ANKRD44: variants seen among roughly 807,000 people sequenced by gnomAD.
ANKRD44 encodes serine/threonine-protein phosphatase 6 regulatory ankyrin repeat subunit B.
In ANKRD44, 35 loss-of-function variants were observed where a neutral mutation model predicts 116.0. The observed-to-expected ratio is 0.30, with a 90% confidence interval of 0.23 to 0.40. The LOEUF (loss-of-function observed/expected upper bound fraction) is 0.40. ANKRD44 is among the 10% of genes least tolerant of loss of function. The pLI is 1.00. For missense variants in ANKRD44, 1,014 were observed against 1,242.6 expected (o/e 0.82, Z 2.77); for synonymous variants, 435 against 461.8 (o/e 0.94, Z 0.74).
intron 16 of ANKRD44, among the ~76,000 whole-genome samples, chr2:197,063,201 G>A (rs2125062174): frequency 6.6e-6 from 1 of 152,326 alleles, no homozygotes; most frequent in South Asian, 2.1e-4. Context: ...AGGGGCTGGA[G>A]TGGACCTCCA....
At chr2:196,974,995 G>C (rs1183856614) in intron 21 of ANKRD44, among the ~76,000 whole-genome samples, 1 of 151,622 alleles carries the variant, frequency 6.6e-6, no homozygotes, top group South Asian at 2.1e-4. Context: ...ATGAAATAGA[G>C]AACAGAAAAA....
At chr2:197,138,893 G>T (rs530202605) in intron 3 of ANKRD44, among the ~76,000 whole-genome samples, 2 of 152,138 alleles carry the variant, frequency 1.3e-5, no homozygotes, top group African/African-American at 4.8e-5. Flanking sequence ...AAAAATGAAT[G>T]CAAGTAGAAA....
chr2:197,287,121 T>A (rs1271212769), intron 1 of ANKRD44, among the ~76,000 whole-genome samples: 2 of 152,192 alleles, frequency 1.3e-5, no homozygotes, highest in African/African-American at 4.8e-5. Flanking sequence ...TGCAGGTTCA[T>A]CGATGGTAAC....
At chr2:197,156,069 GGGCGTGGTGGC>G (rs2079802532) in intron 2 of ANKRD44, among the ~76,000 whole-genome samples, 1 of 152,134 alleles carries the variant, frequency 6.6e-6, no homozygotes, top group African/African-American at 2.4e-5. Flanking sequence ...TCACCGGGCC[GGGCGTGGTGGC>G]TCACACCTGT....
intron 1 of ANKRD44, among the ~76,000 whole-genome samples, chr2:197,237,638 T>C (rs577517200): frequency 6.6e-6 from 1 of 152,200 alleles, no homozygotes; most frequent in Admixed American, 6.5e-5. Flanking sequence ...TGTAAATCAC[T>C]ACAAAAGAGA....
chr2:197,241,036 A>T (rs1224228476), intron 1 of ANKRD44, among the ~76,000 whole-genome samples: 1 of 152,006 alleles, frequency 6.6e-6, no homozygotes, highest in African/African-American at 2.4e-5. Context: ...AGCCCACAGT[A>T]ATCATGCATT....
chr2:197,271,371 A>G (rs948834256), intron 1 of ANKRD44, among the ~76,000 whole-genome samples: 2 of 152,196 alleles, frequency 1.3e-5, no homozygotes, highest in African/African-American at 4.8e-5. Context: ...ACCATCTACA[A>G]TGCAGAGAGT....
chr2:197,119,936 G>C (rs1398087481), intron 8 of ANKRD44, among the ~76,000 whole-genome samples: 2 of 152,146 alleles, frequency 1.3e-5, no homozygotes, highest in African/African-American at 4.8e-5. Context: ...TTACCTAGAG[G>C]TTTTCCTATC....
At chr2:197,128,233 T>A (rs112898008) in intron 4 of ANKRD44, among the ~76,000 whole-genome samples, 6,294 of 152,334 alleles carry the variant, frequency 0.041, 157 homozygotes, top group Middle Eastern at 0.078. Context: ...TCTTCCACAA[T>A]GGTTGAACTA....
chr2:197,112,785 C>T (rs2078619904), intron 8 of ANKRD44, among the ~76,000 whole-genome samples: 1 of 151,334 alleles, frequency 6.6e-6, no homozygotes, highest in Admixed American at 6.6e-5. Context: ...TACCTTAACC[C>T]TGAACTACAG....
At chr2:197,066,280 G>A (rs1032609643) in intron 16 of ANKRD44, among the ~76,000 whole-genome samples, 12 of 152,058 alleles carry the variant, frequency 7.9e-5, no homozygotes, top group African/African-American at 2.9e-4. Flanking sequence ...GGTATTGATG[G>A]GACATATCTC....
In ANKRD44 at chr2:197,125,477, TAACC is replaced by T. The variant is rs1167452755; in HGVS notation, c.463-13_463-10del. The T allele has an allele frequency of 7.4e-6, 12 of 1,611,638 alleles. No homozygotes were observed. Among genetic ancestry groups the T allele is most frequent in the Non-Finnish European group, 9.3e-6 (11 of 1,178,352 alleles). ...AAGAGTAAATTGACCATCTGAAAGATAACCAACAATGAAATCAAGCATACATTCT... is the reference window on the plus strand; with the variant it reads ...AAGAGTAAATTGACCATCTGAAAGATAACAATGAAATCAAGCATACATTCT... On this transcript the variant is annotated splice_polypyrimidine_tract_variant and intron_variant, in intron 5 of 27. Coordinates refer to ENST00000282272, the MANE Select transcript of ANKRD44 (RefSeq NM_001195144.2).
chr2:197,225,531 AAAGG>A (rs1438439767), intron 1 of ANKRD44, among the ~76,000 whole-genome samples: 1 of 152,158 alleles, frequency 6.6e-6, no homozygotes, highest in Non-Finnish European at 1.5e-5. Flanking sequence ...TTTAGTAGAG[AAAGG>A]GTTTCACCAT....
chr2:197,049,554 A>T, intron 16 of ANKRD44, among the ~76,000 whole-genome samples: 1 of 152,080 alleles, frequency 6.6e-6, no homozygotes, highest in East Asian at 1.9e-4. Context: ...TCATTACTCA[A>T]CTTTCACATT....
intron 1 of ANKRD44, among the ~76,000 whole-genome samples, chr2:197,297,040 A>C (rs1438980746): frequency 6.6e-6 from 1 of 152,224 alleles, no homozygotes; most frequent in African/African-American, 2.4e-5. Context: ...GTGAAGAGGA[A>C]GTGGCATTCT....
chr2:197,240,749 A>G (rs978359597), intron 1 of ANKRD44, among the ~76,000 whole-genome samples: 4 of 144,306 alleles, frequency 2.8e-5, no homozygotes, highest in African/African-American at 1.0e-4. Flanking sequence ...GTCATCTCAG[A>G]AAGCCAGATC....
At chr2:197,255,613 A>C (rs1353244555) in intron 1 of ANKRD44, among the ~76,000 whole-genome samples, 1 of 152,256 alleles carries the variant, frequency 6.6e-6, no homozygotes, top group Non-Finnish European at 1.5e-5. Context: ...AAAACAAAAG[A>C]AGAACTACAG....
At chr2:197,159,682 T>G (rs1022350319) in intron 2 of ANKRD44, among the ~76,000 whole-genome samples, 4 of 152,244 alleles carry the variant, frequency 2.6e-5, no homozygotes, top group Admixed American at 2.6e-4. Flanking sequence ...TTGTAATTTG[T>G]CTAATGATTC....
intron 21 of ANKRD44, among the ~76,000 whole-genome samples, chr2:196,980,717 A>G (rs1217183970): frequency 6.6e-6 from 1 of 152,212 alleles, no homozygotes; most frequent in Non-Finnish European, 1.5e-5. Context: ...AGGTTAAACC[A>G]TATGGTCATA....
Sources: allele counts gnomAD v4.1 joint callset (sites outside exome capture counted in the v4.1 genomes callset), GRCh38; gene constraint gnomAD v4.1.1; transcripts MANE v1.5; gene names NCBI Gene and HGNC (gene_info 2026-07-23, HGNC 2026-07-21).